The following CXCR5 variants were observed in gnomAD, a reference collection of about 807,000 sequenced individuals.
CXCR5 encodes the protein C-X-C motif chemokine receptor 5.
A neutral mutation model predicts 5.6 loss-of-function variants in CXCR5; 3 were observed. That is an observed-to-expected ratio of 0.54 (90% CI 0.24 to 1.39). The LOEUF (loss-of-function observed/expected upper bound fraction) is 1.39. Among genes scored for constraint, CXCR5 ranks in the 40% most tolerant of loss-of-function variants. The pLI is 0.16. For synonymous variants in CXCR5, 218 were observed against 219.9 expected, an observed-to-expected ratio of 0.99 and a Z score of 0.08; for missense variants, 333 against 494.6, an observed-to-expected ratio of 0.67 and a Z score of 3.10.
In CXCR5 at chr11:118,895,891, C is replaced by G. The variant is rs1262856277; in HGVS notation, c.*1228C>G. The G allele has an allele frequency of 6.0e-6, 1 of 167,062 alleles. No individual in the cohort carries two copies. Among genetic ancestry groups the G allele is most frequent in the East Asian group, 1.9e-4 (1 of 5,200 alleles). 10.3% of individuals were successfully genotyped at this position (167,062 alleles called of 1,614,324 possible). A position where few individuals can be genotyped will look rare whatever the true frequency, so the allele number is the denominator to read the frequency against. On this transcript the variant is annotated 3_prime_UTR_variant, in exon 2 of 2. Transcript: ENST00000292174. This position sits in a 1 kb window ranked among gnomAD's most constrained non-coding sequence, Gnocchi z 4.2. The stretch of plus-strand genomic sequence containing the variant: ...GCCCGTCCGGCAGTTCTGGGTGCTC[C>G]CTACCACCTCCCCAGCCTTTGATCA...
At chr11:118,887,264 A>C in intron 1 of CXCR5, 1 of 985,478 alleles carries the variant, frequency 1.0e-6, no homozygotes, top group Non-Finnish European at 1.2e-6. Flanking sequence ...CCTAAGAATC[A>C]GGACACAAGA....
Position 118,893,947 on chromosome 11 carries a change from T to C in CXCR5, c.403T>C (p.Cys135Arg), listed in dbSNP as rs1412666187. 1 of 1,614,002 alleles carries C rather than the reference T, an allele frequency of 6.2e-7. No individual in the cohort carries two copies. The highest frequency in any genetic ancestry group is 8.5e-7 in the Non-Finnish European group (1 of 1,180,034). Reference protein sequence around the residue: ...VIALHKVNFYCSSLLLACIAV... With the variant: ...VIALHKVNFYRSSLLLACIAV... ...TGCCCTGCACAAAGTCAACTTCTAC[T>C]GCAGCAGCCTGCTCCTGGCCTGCAT... The change falls in exon 2 of 2, where the codon TGC (cysteine) becomes CGC (arginine). Residue 135 changes from cysteine to arginine, a missense_variant. Coordinates refer to ENST00000292174, the MANE Select transcript of CXCR5 (RefSeq NM_001716.5). This position sits in a 1 kb window ranked among gnomAD's most constrained non-coding sequence, Gnocchi z 5.7.
rs1450056974 is a variant in CXCR5 at position 118,890,664 on chromosome 11, TA to T, written c.52-2931del. Among the ~76,000 whole-genome samples the T allele has an allele frequency of 4.7e-3, 717 of 152,246 alleles. 4 individuals are homozygous for T. The highest frequency in any genetic ancestry group is 0.016 in the African/African-American group (664 of 41,530). ...GACAAAGTTTGAAAGGTCAGAGGAA[TA>T]TACATTTGGGAAGAACATAAAGGCT... On this transcript the variant is annotated intron_variant, in intron 1 of 1. Transcript: ENST00000292174.
chr11:118,892,470 C>T (rs1012965650), intron 1 of CXCR5, among the ~76,000 whole-genome samples: 1 of 151,894 alleles, frequency 6.6e-6, no homozygotes, highest in Non-Finnish European at 1.5e-5. Flanking sequence ...TATAGTATTG[C>T]CATTTTGAAT....
rs1392521439 is a variant in CXCR5, at chr11:118,883,974, C to G, written c.33C>G (p.Leu11=). The change falls in exon 1 of 2, where the codon CTC becomes CTG. Residue 11 remains leucine, a synonymous_variant. Transcript: ENST00000292174. ...ACCCGCTAACGCTGGAAATGGACCT[C>G]GAGAACCTGGAGGACCTGGTGAGTA... The part of the protein sequence containing the change: MNYPLTLEMD[L]ENLEDLFWEL... 6.2e-7 allele frequency: 1 copy of G among 1,612,668 alleles called. No homozygotes were observed. The highest frequency in any genetic ancestry group is 1.3e-5 in the African/African-American group (1 of 74,852).
intron 1 of CXCR5, chr11:118,886,502 A>G (rs1423260010): frequency 2.6e-6 from 1 of 386,294 alleles, no homozygotes; most frequent in East Asian, 7.1e-5. Flanking sequence ...CGGGCTGCTA[A>G]TTCTCATCAA....
intron 1 of CXCR5, among the ~76,000 whole-genome samples, chr11:118,889,648 C>T (rs549641029): frequency 3.0e-4 from 45 of 152,308 alleles, no homozygotes; most frequent in East Asian, 1.2e-3. Context: ...ACCCCCAAAA[C>T]GTCTGTTTGA....
At chr11:118,891,728 A>C (rs1298259033) in intron 1 of CXCR5, among the ~76,000 whole-genome samples, 2 of 151,868 alleles carry the variant, frequency 1.3e-5, no homozygotes, top group Non-Finnish European at 2.9e-5. Context: ...AAAATTACCT[A>C]GGTGTGGTGG....
rs1221888564 is a variant in CXCR5, at chr11:118,894,585, C to T, written c.1041C>T (p.Ser347=). The change falls in exon 2 of 2, where the codon TCC becomes TCT. Residue 347 remains serine (S), a synonymous_variant. Transcript: ENST00000292174. This position sits in a 1 kb window ranked among gnomAD's most constrained non-coding sequence, Gnocchi z 6.1. Reference sequence around the variant, plus strand: ...AGCTGGGCTGTACCGGCCCTGCCTCCCTGTGCCAGCTCTTCCCTAGCTGGC... The same window carrying T: ...AGCTGGGCTGTACCGGCCCTGCCTCTCTGTGCCAGCTCTTCCCTAGCTGGC... The part of the protein sequence containing the change: ...LTKLGCTGPA[S]LCQLFPSWRR... 6.5e-7 allele frequency: 1 copy of T among 1,531,280 alleles called. No homozygotes were observed. Among genetic ancestry groups the T allele is most frequent in the Non-Finnish European group, 8.8e-7 (1 of 1,138,758 alleles). The allele number at this position is 1,531,280 out of a possible 1,614,324, so 94.9% of individuals were successfully genotyped here.
chr11:118,891,642 G>A (rs928724708), intron 1 of CXCR5, among the ~76,000 whole-genome samples: 2 of 152,102 alleles, frequency 1.3e-5, no homozygotes, highest in Admixed American at 6.5e-5. Context: ...GCCGAGGCGG[G>A]GGGATCACTT....
rs1939901692 is a variant in CXCR5 at position 118,895,810 on chromosome 11, C to G, written c.*1147C>G. The G allele has an allele frequency of 6.0e-6, 1 of 167,316 alleles. No individual in the cohort carries two copies. Among genetic ancestry groups the G allele is most frequent in the Non-Finnish European group, 1.5e-5 (1 of 68,326 alleles). 10.4% of individuals were successfully genotyped at this position (167,316 alleles called of 1,614,324 possible). A position where few individuals can be genotyped will look rare whatever the true frequency, so the allele number is the denominator to read the frequency against. Reference sequence around the variant, plus strand: ...GCCCTGCCCCCGTGAGGATGTCACTCAGATGGAACCGCAGGAAGCTGCTCC... The same window carrying G: ...GCCCTGCCCCCGTGAGGATGTCACTGAGATGGAACCGCAGGAAGCTGCTCC... On this transcript the variant is annotated 3_prime_UTR_variant, in exon 2 of 2. Transcript: ENST00000292174. This position sits in a 1 kb window ranked among gnomAD's most constrained non-coding sequence, Gnocchi z 4.2.
chr11:118,894,478 C>T lies in CXCR5; in HGVS notation c.934C>T (p.Leu312=), dbSNP rs867358468. Residue 312 remains leucine (L), a synonymous_variant, in exon 2 of 2, where the codon CTG becomes TTG. Coordinates refer to ENST00000292174, the MANE Select transcript of CXCR5 (RefSeq NM_001716.5). This position sits in a 1 kb window ranked among gnomAD's most constrained non-coding sequence, Gnocchi z 6.1. ...CATCACCATGTGTGAGTTCCTGGGC[C>T]TGGCCCACTGCTGCCTCAACCCCAT... ...VAITMCEFLG[L]AHCCLNPMLY... The T allele has an allele frequency of 1.2e-6, 2 of 1,611,560 alleles. No homozygotes were observed. Among genetic ancestry groups the T allele is most frequent in the East Asian group, 4.5e-5 (2 of 44,846 alleles).
chr11:118,886,749 A>T (rs1939720521), intron 1 of CXCR5: 1 of 210,900 alleles, frequency 4.7e-6, no homozygotes, highest in Non-Finnish European at 9.7e-6. Context: ...CCCACCCTGC[A>T]CACCAGCCGG....
chr11:118,885,722 TAG>T (rs1939700650), intron 1 of CXCR5: 1 of 153,576 alleles, frequency 6.5e-6, no homozygotes, highest in Non-Finnish European at 1.5e-5. Flanking sequence ...AGTGACCTAC[TAG>T]GGACAGGTGG....
intron 1 of CXCR5, among the ~76,000 whole-genome samples, chr11:118,885,112 C>T (rs1246282607): frequency 6.6e-6 from 1 of 152,136 alleles, no homozygotes; most frequent in African/African-American, 2.4e-5. Flanking sequence ...ACCATGTTCC[C>T]AGACTTGCTC....
intron 1 of CXCR5, among the ~76,000 whole-genome samples, chr11:118,891,028 A>C (rs1939800035): frequency 6.6e-6 from 1 of 152,152 alleles, no homozygotes; most frequent in African/African-American, 2.4e-5. Flanking sequence ...CACACGTATT[A>C]ATAGCCACTG....
chr11:118,886,062 C>T (rs1852013943), intron 1 of CXCR5: 1 of 297,512 alleles, frequency 3.4e-6, no homozygotes, highest in African/African-American at 2.3e-5. Flanking sequence ...GCTTGGCAGA[C>T]TGTCCCTCAG....
At position 118,892,500 on chromosome 11, in the gene CXCR5, T is replaced by C. The variant is rs116967050; in HGVS notation, c.52-1096T>C. ...TTGAATCCACATAGGTTGGTTATAATTGGTTTTGAATTGCCTGGGGAGGGG... is the reference window on the plus strand; with the variant it reads ...TTGAATCCACATAGGTTGGTTATAACTGGTTTTGAATTGCCTGGGGAGGGG... On this transcript the variant is annotated intron_variant, in intron 1 of 1. Coordinates refer to ENST00000292174, the MANE Select transcript of CXCR5 (RefSeq NM_001716.5). 6.9e-3 allele frequency among the ~76,000 whole-genome samples: 1,042 copies of C among 151,992 alleles called. 7 individuals carry two copies. The highest frequency in any genetic ancestry group is 8.1e-3 in the South Asian group (39 of 4,810).
chr11:118,893,693 A>G lies in CXCR5; in HGVS notation c.149A>G (p.Lys50Arg). ...ATEGPLMASF[K>R]AVFVPVAYSL... The stretch of plus-strand genomic sequence containing the variant: ...GAGGGGCCCCTCATGGCCTCCTTCA[A>G]GGCCGTGTTCGTGCCCGTGGCCTAC... Residue 50 changes from lysine to arginine, a missense_variant, in exon 2 of 2, where the codon AAG (lysine) becomes AGG (arginine). Transcript: ENST00000292174. This position sits in a 1 kb window ranked among gnomAD's most constrained non-coding sequence, Gnocchi z 5.7. 1 of 1,614,112 alleles carries G rather than the reference A, an allele frequency of 6.2e-7. No individual in the cohort carries two copies. The highest frequency in any genetic ancestry group is 8.5e-7 in the Non-Finnish European group (1 of 1,179,990).
Sources: allele counts gnomAD v4.1 joint callset (sites outside exome capture counted in the v4.1 genomes callset), GRCh38; gene constraint gnomAD v4.1.1; non-coding constraint Gnocchi (gnomAD v3.1); transcripts MANE v1.5; gene names NCBI Gene and HGNC (gene_info 2026-07-23, HGNC 2026-07-21).